The following TRRAP variants were observed in gnomAD, a reference collection of about 807,000 sequenced individuals.
The protein encoded by TRRAP is transformation/transcription domain-associated protein.
A neutral mutation model predicts 438.8 loss-of-function variants in TRRAP; 41 were observed. The ratio of observed to expected loss-of-function variants is 0.09; its 90% CI spans 0.07 to 0.12. TRRAP has a LOEUF of 0.12. TRRAP is among the 10% of genes least tolerant of loss of function. The pLI, the probability that TRRAP is intolerant of heterozygous loss-of-function variation, is 1.00. For missense variants in TRRAP, 3,122 were observed against 5,055.1 expected, an observed-to-expected ratio of 0.62 and a Z score of 11.60; for synonymous variants, 1,994 against 1,962.9, an observed-to-expected ratio of 1.02 and a Z score of -0.42.
chr7:98,920,107 C>T (rs1463765220), intron 20 of TRRAP, among the ~76,000 whole-genome samples: 1 of 152,100 alleles, frequency 6.6e-6, no homozygotes, highest in African/African-American at 2.4e-5. Flanking sequence ...AGAAAAGTAC[C>T]AAGATTTTAT....
Position 98,956,317 on chromosome 7 carries a change from GCCT to G in TRRAP, c.6096+15_6096+17del, listed in dbSNP as rs782618182. 1 of 1,613,984 alleles carries G rather than the reference GCCT, an allele frequency of 6.2e-7. No individual in the cohort carries two copies. The highest frequency in any genetic ancestry group is 8.5e-7 in the Non-Finnish European group (1 of 1,179,948). On this transcript the variant is annotated intron_variant, in intron 42 of 72. Coordinates refer to ENST00000456197, the MANE Select transcript of TRRAP (RefSeq NM_001375524.1). This position sits in a 1 kb window ranked among gnomAD's most constrained non-coding sequence, Gnocchi z 4.5. Reference sequence around the variant, plus strand: ...CAAGGACCAGCAGGTAGGGGTGTCAGCCTCAGGGGTGCCCCGATCGTCTTCCTT... The same window carrying G: ...CAAGGACCAGCAGGTAGGGGTGTCAGCAGGGGTGCCCCGATCGTCTTCCTT...
intron 22 of TRRAP, among the ~76,000 whole-genome samples, chr7:98,925,473 G>A (rs981100737): frequency 6.6e-5 from 10 of 152,162 alleles, no homozygotes; most frequent in African/African-American, 1.2e-4. Context: ...CACAGTTGTC[G>A]CCTGCCTTTA....
chr7:98,932,353 T>A (rs1379844207), intron 26 of TRRAP, among the ~76,000 whole-genome samples: 1 of 152,186 alleles, frequency 6.6e-6, no homozygotes, highest in Non-Finnish European at 1.5e-5. Context: ...GACCTCATGA[T>A]CCGCCTGCTT....
At chr7:98,880,212 A>G (rs1282762712) in intron 1 of TRRAP, among the ~76,000 whole-genome samples, 1 of 149,148 alleles carries the variant, frequency 6.7e-6, no homozygotes, top group Non-Finnish European at 1.5e-5. Context: ...CACACGTACG[A>G]CCAAGGTTGC....
intron 69 of TRRAP, among the ~76,000 whole-genome samples, chr7:99,008,046 G>A (rs898098470): frequency 3.2e-4 from 49 of 151,382 alleles, no homozygotes; most frequent in Admixed American, 1.2e-3. Flanking sequence ...GGATGGTCTC[G>A]ATCTCCTGAC....
rs1370544574 is a variant in TRRAP at position 98,964,651 on chromosome 7, T to G, written c.6852T>G (p.Ser2284=). The G allele has an allele frequency of 1.2e-6, 2 of 1,613,858 alleles. No homozygotes were observed. Among genetic ancestry groups the G allele is most frequent in the African/African-American group, 1.3e-5 (1 of 74,936 alleles). Residue 2284 remains serine (S), a synonymous_variant, in exon 48 of 73, where the codon TCT becomes TCG. Coordinates refer to ENST00000456197, the MANE Select transcript of TRRAP (RefSeq NM_001375524.1). ...QLFGTLMILK[S]ACSNNPSYID... ...TAGGGACCCTTATGATCCTCAAGTC[T>G]GCCTGCAGCAACAACCCCAGCTACA...
rs762119583 is a variant in TRRAP at position 99,012,250 on chromosome 7, C to T, written c.11517C>T (p.Leu3839=). 37 of 1,614,090 alleles carry T rather than the reference C, an allele frequency of 2.3e-5. No homozygotes were observed. The highest frequency in any genetic ancestry group is 6.6e-5 in the South Asian group (6 of 91,074). The part of the protein sequence containing the change: ...VTAIMTRLHN[L]AQFEGGESKV... The stretch of plus-strand genomic sequence containing the variant: ...CCATCATGACCCGCCTGCACAACCT[C>T]GCCCAGTTCGAAGGCGGGGAAAGCA... Residue 3839 remains leucine, a synonymous_variant, in exon 73 of 73, where the codon CTC becomes CTT. Transcript: ENST00000456197. This position sits in a 1 kb window ranked among gnomAD's most constrained non-coding sequence, Gnocchi z 5.9.
intron 43 of TRRAP, 128 bp from the exon 44 acceptor site, chr7:98,957,853 C>G: frequency 1.3e-6 from 1 of 764,436 alleles, no homozygotes. Context: ...TCTTTGGTAT[C>G]CCCAGCGCCC....
chr7:99,011,680 CTG>C lies in TRRAP; in HGVS notation c.11337+148_11337+149del. ...GCACCCCTGTGTGTTATGTCCTTTG[CTG>C]TGAGGGCAAGGGATGGTTTTCTCTT... is the stretch of plus-strand genomic sequence containing the variant. On this transcript the variant is annotated intron_variant, in intron 72 of 72. Transcript: ENST00000456197. The surrounding 1 kb of genome is among the most constrained non-coding windows in gnomAD (Gnocchi z 7.1). 1.0e-6 allele frequency: 1 copy of C among 994,626 alleles called. No individual in the cohort carries two copies. Among genetic ancestry groups the C allele is most frequent in the Non-Finnish European group, 1.4e-6 (1 of 693,468 alleles). 61.6% of individuals were successfully genotyped at this position (994,626 alleles called of 1,614,324 possible).
chr7:98,907,191 C>T (rs544112723), intron 13 of TRRAP, among the ~76,000 whole-genome samples: 13 of 151,990 alleles, frequency 8.6e-5, no homozygotes, highest in Admixed American at 2.0e-4. Context: ...GGCGTGGTGG[C>T]GCGTGCCTGT....
At chr7:98,932,165 G>A (rs1423331974) in intron 26 of TRRAP, among the ~76,000 whole-genome samples, 1 of 151,728 alleles carries the variant, frequency 6.6e-6, no homozygotes, top group Non-Finnish European at 1.5e-5. Context: ...TCAGGCTGGA[G>A]TGCAGTGGCA....
rs143459520 is a variant in TRRAP, at chr7:98,927,190, A to G, written c.2999A>G (p.Asn1000Ser). The G allele has an allele frequency of 4.6e-5, 74 of 1,614,194 alleles. No homozygotes were observed. In the African/African-American group the frequency reaches 6.5e-4, roughly 14 times the overall value. ...AGCTTTACAGAAAAGACCATCCCCA[A>G]TGTTATCATCTCACATCGCTACAAA... ...HPNFTEKTIP[N>S]VIISHRYKAQ... Residue 1000 changes from asparagine to serine, a missense_variant, in exon 23 of 73, where the codon AAT becomes AGT. Physicochemically the swap from Asn to Ser is conservative, Grantham distance 46. Coordinates refer to ENST00000456197, the MANE Select transcript of TRRAP (RefSeq NM_001375524.1).
chr7:98,952,681 A>G, intron 39 of TRRAP, among the ~76,000 whole-genome samples: 1 of 152,158 alleles, frequency 6.6e-6, no homozygotes, highest in Admixed American at 6.5e-5. Context: ...GAAGGGGAAG[A>G]GTGGGCTGAA....
intron 6 of TRRAP, among the ~76,000 whole-genome samples, 159 bp from the exon 7 acceptor site, chr7:98,895,605 T>C (rs1796161715): frequency 6.6e-6 from 1 of 152,246 alleles, no homozygotes; most frequent in African/African-American, 2.4e-5. Flanking sequence ...ATTTTTTTGT[T>C]TGTTTACATC....
intron 67 of TRRAP, among the ~76,000 whole-genome samples, chr7:98,995,362 A>T (rs1283368352): frequency 1.3e-5 from 2 of 151,694 alleles, no homozygotes; most frequent in East Asian, 1.9e-4. Context: ...CCCATGGAAG[A>T]CTGGGTCTGG....
intron 4 of TRRAP, 71 bp downstream of exon 4, chr7:98,890,516 A>C (rs1795916131): frequency 4.5e-6 from 5 of 1,105,368 alleles, no homozygotes; most frequent in Non-Finnish European, 6.1e-6. Context: ...TTAACTCAGA[A>C]AACTTACGGT....
At chr7:98,946,601 C>G (rs1165830860) in intron 33 of TRRAP, among the ~76,000 whole-genome samples, 1 of 150,996 alleles carries the variant, frequency 6.6e-6, no homozygotes, top group East Asian at 2.0e-4. Context: ...GCACACAACA[C>G]ATATGCACAC....
chr7:98,892,606 A>G (rs1796025918), intron 5 of TRRAP, 78 bp downstream of exon 5: 1 of 1,225,580 alleles, frequency 8.2e-7, no homozygotes, highest in Non-Finnish European at 1.1e-6. Flanking sequence ...AAATTTCAGC[A>G]TTATACAACT....
intron 49 of TRRAP, 93 bp downstream of exon 49, chr7:98,965,988 A>C (rs1210908974): frequency 2.8e-6 from 4 of 1,433,326 alleles, no homozygotes; most frequent in Non-Finnish European, 2.9e-6. Context: ...GAAGCAAAAC[A>C]TTTTTTTCTG....
Sources: allele counts gnomAD v4.1 joint callset (sites outside exome capture counted in the v4.1 genomes callset), GRCh38; gene constraint gnomAD v4.1.1; non-coding constraint Gnocchi (gnomAD v3.1); transcripts MANE v1.5; gene names NCBI Gene and HGNC (gene_info 2026-07-23, HGNC 2026-07-21).